The following SIGIRR variants were observed in gnomAD, a reference collection of about 807,000 sequenced individuals.
The protein encoded by SIGIRR is single Ig and TIR domain containing.
Under a neutral mutation model 45.6 loss-of-function variants are expected in SIGIRR, and 41 were observed. That is an observed-to-expected ratio of 0.90 (90% confidence interval 0.70 to 1.17). The LOEUF (loss-of-function observed/expected upper bound fraction) is 1.17, where lower values mean the gene tolerates loss of function less well. Ranked by LOEUF, SIGIRR falls within the 50% of genes most tolerant of loss-of-function variation. The pLI, the probability that SIGIRR is intolerant of heterozygous loss-of-function variation, is 0.00. For synonymous variants in SIGIRR, 298 were observed against 239.0 expected (o/e 1.25, Z -2.28); for missense variants, 599 against 539.6 (o/e 1.11, Z -1.09).
intron 2 of SIGIRR, 119 bp downstream of exon 2, chr11:409,749 C>T (rs1257193599): frequency 8.5e-7 from 1 of 1,176,920 alleles, no homozygotes; most frequent in Non-Finnish European, 1.1e-6. Context: ...CCTTTGTACC[C>T]CCGGCATGTG....
At chr11:416,836 G>A (rs1184409044), upstream of SIGIRR, among the ~76,000 whole-genome samples, 1 of 152,126 alleles carries the variant, frequency 6.6e-6, no homozygotes, top group Non-Finnish European at 1.5e-5. The surrounding 1 kb of genome is among the most constrained non-coding windows in gnomAD (Gnocchi z 9.1). Context: ...GCGGGAGGCG[G>A]GCACGGGGGT....
intron 1 of SIGIRR, among the ~76,000 whole-genome samples, chr11:414,422 C>T (rs994178292): frequency 6.6e-6 from 1 of 151,188 alleles, no homozygotes; most frequent in Non-Finnish European, 1.5e-5. Flanking sequence ...CTCCCCTGCA[C>T]ACATCACATA....
Position 410,088 on chromosome 11 carries a change from G to C in SIGIRR, c.-153-61C>G, listed in dbSNP as rs532715411. The C allele has an allele frequency of 2.4e-6, 3 of 1,227,838 alleles. No individual in the cohort carries two copies. The Admixed American group carries it at 1.2e-4, about 49-fold the overall frequency. 76.1% of individuals were successfully genotyped at this position (1,227,838 alleles called of 1,614,324 possible). A position where few individuals can be genotyped will look rare whatever the true frequency, so the allele number is the denominator to read the frequency against. On this transcript the variant is annotated intron_variant, in intron 1 of 9. Coordinates refer to ENST00000431843, the MANE Select transcript of SIGIRR (RefSeq NM_001135054.2). ...CAGGATGAGTTAACCAGTAACTGCCGGCCACAGACAGCACTGGCCCTGACC... is the reference window on the plus strand; with the variant it reads ...CAGGATGAGTTAACCAGTAACTGCCCGCCACAGACAGCACTGGCCCTGACC...
At chr11:410,826 G>A (rs571827151) in intron 1 of SIGIRR, among the ~76,000 whole-genome samples, 1 of 45,198 alleles carries the variant, frequency 2.2e-5, no homozygotes, top group East Asian at 8.2e-4. Flanking sequence ...CAGTCGGGGA[G>A]GGGGGTGCCC....
Position 407,792 on chromosome 11 carries a change from TCGCGCCCA to T in SIGIRR, c.481+17_481+24del. Reference sequence around the variant, plus strand: ...TCAGGGAGGCCGTGGCGACCCCTCCTCGCGCCCACGCGGGCCCCACGCACCGTTTATCT... The same window carrying T: ...TCAGGGAGGCCGTGGCGACCCCTCCTCGCGGGCCCCACGCACCGTTTATCT... On this transcript the variant is annotated intron_variant, in intron 5 of 9. Transcript: ENST00000431843. 1 of 1,611,636 alleles carries T rather than the reference TCGCGCCCA, an allele frequency of 6.2e-7. No individual in the cohort carries two copies.
intron 1 of SIGIRR, among the ~76,000 whole-genome samples, chr11:410,602 C>A (rs1847549378): frequency 1.4e-5 from 1 of 73,182 alleles, no homozygotes; most frequent in Non-Finnish European, 2.4e-5. Flanking sequence ...TTAGCTCTGA[C>A]CATGTCTGGA....
rs1417227769 is a variant in SIGIRR, at chr11:407,798, C to T, written c.481+19G>A. ...AGGCCGTGGCGACCCCTCCTCGCGCCCACGCGGGCCCCACGCACCGTTTAT... is the reference window on the plus strand; with the variant it reads ...AGGCCGTGGCGACCCCTCCTCGCGCTCACGCGGGCCCCACGCACCGTTTAT... On this transcript the variant is annotated intron_variant, in intron 5 of 9. Transcript: ENST00000431843. 8 of 1,611,996 alleles carry T rather than the reference C, an allele frequency of 5.0e-6. No homozygotes were observed. Among genetic ancestry groups the T allele is most frequent in the Non-Finnish European group, 6.8e-6 (8 of 1,179,764 alleles).
Position 407,006 on chromosome 11 carries a change from A to G in SIGIRR, c.729-13T>C. ...GCACAGGCCCTCCCTGCGGGGCGGG[A>G]CCGTCAGGGGGGTGGGTGCTACGCT... On this transcript the variant is annotated splice_polypyrimidine_tract_variant and intron_variant, in intron 7 of 9. Transcript: ENST00000431843. 1 of 1,588,780 alleles carries G rather than the reference A, an allele frequency of 6.3e-7. No homozygotes were observed. The highest frequency in any genetic ancestry group is 1.4e-5 in the African/African-American group (1 of 72,966).
chr11:415,641 A>C (rs550720721), upstream of SIGIRR, among the ~76,000 whole-genome samples: 48 of 152,264 alleles, frequency 3.2e-4, 1 homozygote, highest in East Asian at 9.3e-3. This position sits in a 1 kb window ranked among gnomAD's most constrained non-coding sequence, Gnocchi z 6.6. Context: ...AGCAGTTACA[A>C]GGGACTATGG....
upstream of SIGIRR, among the ~76,000 whole-genome samples, chr11:415,207 CGTGTGT>C (rs71022908): frequency 1.2e-3 from 168 of 144,582 alleles, 3 homozygotes; most frequent in African/African-American, 3.8e-3. This position sits in a 1 kb window ranked among gnomAD's most constrained non-coding sequence, Gnocchi z 6.6. Flanking sequence ...CTCTGTGCAG[CGTGTGT>C]GTGTGTGTGT....
At position 408,159 on chromosome 11, in the gene SIGIRR, AC is replaced by A. The variant is rs1224575006; in HGVS notation, c.253del (p.Val85SerfsTer3). 1 of 1,612,466 alleles carries A rather than the reference AC, an allele frequency of 6.2e-7. No homozygotes were observed. The highest frequency in any genetic ancestry group is 8.5e-7 in the Non-Finnish European group (1 of 1,179,924). ...SEVLVSSVLG[V>X]NVTSTEVYGA... ...ATAGACTTCAGTGCTGGTCACGTTG[AC>A]CCCCAGGACACTGGACACAAGCACC... On this transcript the variant is annotated frameshift_variant, in exon 4 of 10. Coordinates refer to ENST00000431843, the MANE Select transcript of SIGIRR (RefSeq NM_001135054.2). LOFTEE classifies it high-confidence loss of function.
chr11:407,404 AC>A lies in SIGIRR; in HGVS notation c.625+20del. 1 of 1,331,344 alleles carries A rather than the reference AC, an allele frequency of 7.5e-7. No homozygotes were observed. Among genetic ancestry groups the A allele is most frequent in the Non-Finnish European group, 9.8e-7 (1 of 1,020,396 alleles). 82.5% of individuals were successfully genotyped at this position (1,331,344 alleles called of 1,614,324 possible). ...GGCGGGCCCTCCGGGTGGGCGGGGC[AC>A]GGGGTGGGGCCCGGGATACCAGCGC... is the stretch of plus-strand genomic sequence containing the variant. On this transcript the variant is annotated intron_variant, in intron 6 of 9. Coordinates refer to ENST00000431843, the MANE Select transcript of SIGIRR (RefSeq NM_001135054.2).
rs1564885302 is a variant in SIGIRR at position 405,998 on chromosome 11, C to T, written c.1131G>A (p.Leu377=). 6.2e-6 allele frequency: 10 copies of T among 1,611,102 alleles called. No homozygotes were observed. Among genetic ancestry groups the T allele is most frequent in the Non-Finnish European group, 7.6e-6 (9 of 1,179,324 alleles). The change falls in exon 10 of 10, where the codon CTG becomes CTA. Residue 377 remains leucine, a synonymous_variant. Coordinates refer to ENST00000431843, the MANE Select transcript of SIGIRR (RefSeq NM_001135054.2). ...CCACTTCGCTGCTCCGGCTCTCTCCCAGCGAGACCCCACTGGTGTGCGGTG... is the reference window on the plus strand; with the variant it reads ...CCACTTCGCTGCTCCGGCTCTCTCCTAGCGAGACCCCACTGGTGTGCGGTG... ...SAPPHTSGVS[L]GESRSSEVDV...
intron 5 of SIGIRR, 60 bp downstream of exon 5, chr11:407,757 C>A: frequency 6.2e-7 from 1 of 1,606,522 alleles, no homozygotes; most frequent in South Asian, 1.1e-5. Flanking sequence ...CCGAGCTCAG[C>A]AGCGCACTCT....
intron 8 of SIGIRR, 141 bp from the exon 9 acceptor site, chr11:406,679 C>G: frequency 7.1e-7 from 1 of 1,402,830 alleles, no homozygotes; most frequent in South Asian, 1.5e-5. Context: ...GCCTCAAGGG[C>G]GGCTCCCCGC....
At chr11:407,641 A>G (rs1847406296) in intron 5 of SIGIRR, 73 bp from the exon 6 acceptor site, 1 of 1,571,482 alleles carries the variant, frequency 6.4e-7, no homozygotes, top group Non-Finnish European at 8.6e-7. Context: ...CAACACCCCT[A>G]ACCATCTCCC....
Position 407,427 on chromosome 11 carries a change from G to C in SIGIRR, c.623C>G (p.Ala208Gly). ...FLDDRDLLPR[A>G]EPSADLLVNL... ...GCACGGGGTGGGGCCCGGGATACCAGCGCGCGGCAGGAGGTCGCGGTCGTC... is the reference window on the plus strand; with the variant it reads ...GCACGGGGTGGGGCCCGGGATACCACCGCGCGGCAGGAGGTCGCGGTCGTC... The change falls in exon 6 of 10, where the codon GCT becomes GGT. Residue 208 changes from alanine to glycine, a missense_variant and splice_region_variant. Coordinates refer to ENST00000431843, the MANE Select transcript of SIGIRR (RefSeq NM_001135054.2). The C allele has an allele frequency of 1.3e-6, 2 of 1,545,470 alleles. No homozygotes were observed. Among genetic ancestry groups the C allele is most frequent in the South Asian group, 1.2e-5 (1 of 84,062 alleles).
chr11:405,868 C>T lies in SIGIRR; in HGVS notation c.*28G>A. ...CGCCGCTGCCCTGGCCCCCGCTGTC[C>T]CTATGATCCTGCACTCTGGGGTGGG... On this transcript the variant is annotated 3_prime_UTR_variant, in exon 10 of 10. Transcript: ENST00000431843. 6.4e-7 allele frequency: 1 copy of T among 1,566,860 alleles called. No homozygotes were observed.
At chr11:413,167 C>T (rs1847748694) in intron 1 of SIGIRR, among the ~76,000 whole-genome samples, 1 of 152,146 alleles carries the variant, frequency 6.6e-6, no homozygotes, top group Non-Finnish European at 1.5e-5. Context: ...GGATTCCTCC[C>T]CGCTAAGGCC....
Sources: allele counts gnomAD v4.1 joint callset (sites outside exome capture counted in the v4.1 genomes callset), GRCh38; gene constraint gnomAD v4.1.1; non-coding constraint Gnocchi (gnomAD v3.1); transcripts MANE v1.5; gene names NCBI Gene and HGNC (gene_info 2026-07-23, HGNC 2026-07-21).